NBPF8: variants seen among roughly 807,000 people sequenced by gnomAD.
The protein encoded by NBPF8 is NBPF family member NBPF8.
At chr1:120,465,717 T>C (rs1661723494) in intron 24 of NBPF8, among the ~76,000 whole-genome samples, 2 of 150,088 alleles carry the variant, frequency 1.3e-5, no homozygotes, top group African/African-American at 5.0e-5. Flanking sequence ...TTTTACTCCC[T>C]TACCAGTATG....
At chr1:120,433,951 T>G, upstream of NBPF8, 1 of 161,886 alleles carries the variant, frequency 6.2e-6, no homozygotes. Context: ...GGCGTGATGT[T>G]GAGGAAGGTT....
chr1:120,460,242 T>A (rs1661541653), intron 17 of NBPF8, among the ~76,000 whole-genome samples: 1 of 152,178 alleles, frequency 6.6e-6, no homozygotes, highest in African/African-American at 2.4e-5. Context: ...AGAGAAAGCT[T>A]AATATTGAAG....
downstream of NBPF8, among the ~76,000 whole-genome samples, chr1:120,468,703 CTTCCT>C (rs1487637812): frequency 1.3e-5 from 2 of 148,510 alleles, no homozygotes; most frequent in Non-Finnish European, 3.0e-5. Flanking sequence ...GGTGAAGCCC[CTTCCT>C]TTCAATTCCC....
At chr1:120,423,323 A>T (rs1660622807) in intron 1 of NBPF8, among the ~76,000 whole-genome samples, 3 of 106,856 alleles carry the variant, frequency 2.8e-5, no homozygotes, top group Non-Finnish European at 5.6e-5. Flanking sequence ...GGATTTATTT[A>T]TTTTTTTGCA....
At chr1:120,430,372 T>C (rs1660842412) in intron 3 of NBPF8, among the ~76,000 whole-genome samples, 2 of 138,828 alleles carry the variant, frequency 1.4e-5, no homozygotes, top group African/African-American at 5.6e-5. Flanking sequence ...GTCTTTTGTA[T>C]TTCTGTATAT....
At chr1:120,461,154 T>C (rs1570944852) in intron 18 of NBPF8, 100 bp from the exon 17 acceptor site, 2 of 624,074 alleles carry the variant, frequency 3.2e-6, no homozygotes, top group Non-Finnish European at 5.8e-6. Context: ...CTGTCCTTTT[T>C]CTTTTCAAAC....
upstream of NBPF8, among the ~76,000 whole-genome samples, chr1:120,431,678 G>T (rs1660885356): frequency 4.6e-5 from 7 of 150,912 alleles, no homozygotes; most frequent in Admixed American, 1.3e-4. Context: ...ATACTTGTAG[G>T]AATGAAAAAT....
chr1:120,421,021 G>A lies in NBPF8; in HGVS notation n.269+903G>A, dbSNP rs1660559550. ...GGACGATGTCAGACCCAGGGGCTGA[G>A]GTCCCCACCTGCAGCTGGGCAGCTT... On this transcript the variant is annotated intron_variant and non_coding_transcript_variant, in intron 1 of 28. Coordinates refer to the NBPF8 transcript ENST00000652355. 4.1e-5 allele frequency among the ~76,000 whole-genome samples: 6 copies of A among 144,708 alleles called. No homozygotes were observed. The South Asian group carries it at 1.1e-3, about 27-fold the overall frequency. 94.9% of individuals were successfully genotyped at this position (144,708 alleles called of 152,430 possible).
chr1:120,452,268 C>A, exon 13 of NBPF8: 1 of 1,363,010 alleles, frequency 7.3e-7, no homozygotes, highest in Non-Finnish European at 1.0e-6. Flanking sequence ...GGGGCAGGAC[C>A]TCCAAGAACA....
At chr1:120,430,752 C>CA (rs1160946903) in intron 3 of NBPF8, among the ~76,000 whole-genome samples, 10,425 of 40,470 alleles carry the variant, frequency 0.26, 1,049 homozygotes, top group East Asian at 0.48. Flanking sequence ...GACTCTGTCT[C>CA]AAAAAAAAAA....
chr1:120,431,690 G>A (rs1481193431), upstream of NBPF8, among the ~76,000 whole-genome samples: 14 of 151,282 alleles, frequency 9.3e-5, no homozygotes, highest in Admixed American at 9.2e-4. Flanking sequence ...ATGAAAAATG[G>A]TATGGCTCCT....
exon 25 of NBPF8, chr1:120,467,640 G>C (rs1661773209): frequency 1.4e-5 from 2 of 144,292 alleles, no homozygotes; most frequent in Admixed American, 7.0e-5. Flanking sequence ...GTTTTTACTA[G>C]TGTCTGCTGT....
chr1:120,415,461 C>T (rs1479787551), upstream of NBPF8, among the ~76,000 whole-genome samples: 1 of 152,170 alleles, frequency 6.6e-6, no homozygotes, highest in Non-Finnish European at 1.5e-5. Flanking sequence ...CCTCGCTTGC[C>T]GCTGCCGCCC....
chr1:120,415,080 G>A (rs1430859510), upstream of NBPF8, among the ~76,000 whole-genome samples: 8 of 152,070 alleles, frequency 5.3e-5, no homozygotes, highest in African/African-American at 1.9e-4. Context: ...TGGGCTGGGC[G>A]GCGGTTGAGA....
chr1:120,425,420 T>G (rs1483019384), intron 1 of NBPF8, among the ~76,000 whole-genome samples: 1 of 152,080 alleles, frequency 6.6e-6, no homozygotes, highest in East Asian at 1.9e-4. Context: ...AGCACAGCAC[T>G]TTTTTCTTTA....
chr1:120,464,175 GTGTCTGTC>G (rs1312686101), intron 22 of NBPF8, among the ~76,000 whole-genome samples, 193 bp from the exon 21 acceptor site: 30 of 85,718 alleles, frequency 3.5e-4, no homozygotes, highest in African/African-American at 9.3e-4. Context: ...GTGTGTGTGT[GTGTCTGTC>G]TGTCTTTCTC....
At chr1:120,463,225 C>T (rs1661643221) in intron 21 of NBPF8, among the ~76,000 whole-genome samples, 1 of 144,342 alleles carries the variant, frequency 6.9e-6, no homozygotes, top group Admixed American at 6.9e-5. Context: ...TGGACCCAGG[C>T]AGATGTAAAA....
chr1:120,428,942 A>T (rs1660794004), intron 3 of NBPF8, among the ~76,000 whole-genome samples: 1 of 150,054 alleles, frequency 6.7e-6, no homozygotes, highest in Non-Finnish European at 1.5e-5. Context: ...ATGAACACAG[A>T]CTTGGGGATA....
exon 1 of NBPF8, chr1:120,436,431 A>C (rs1284173030): frequency 8.3e-7 from 1 of 1,203,882 alleles, no homozygotes; most frequent in Non-Finnish European, 1.2e-6. Context: ...TCCTGATTAA[A>C]CCTATTTGAT....
Sources: allele counts gnomAD v4.1 joint callset (sites outside exome capture counted in the v4.1 genomes callset), GRCh38; gene constraint gnomAD v4.1.1; transcripts MANE v1.5; gene names NCBI Gene and HGNC (gene_info 2026-07-23, HGNC 2026-07-21).